RNFT2: variants seen among roughly 807,000 people sequenced by gnomAD.
RNFT2 encodes the protein ring finger protein, transmembrane 2.
Under a neutral mutation model 53.0 loss-of-function variants are expected in RNFT2, and 36 were observed. The observed-to-expected ratio is 0.68, with a 90% CI of 0.52 to 0.90. The LOEUF (loss-of-function observed/expected upper bound fraction) is 0.90. RNFT2 is among the 40% of genes least tolerant of loss of function. The pLI, the probability that RNFT2 is intolerant of heterozygous loss-of-function variation, is 0.00. For missense variants in RNFT2, 514 were observed against 585.6 expected (o/e 0.88, Z 1.26); for synonymous variants, 260 against 253.2 (o/e 1.03, Z -0.26).
intron 7 of RNFT2, among the ~76,000 whole-genome samples, chr12:116,817,467 C>T (rs539550928): frequency 7.2e-5 from 11 of 152,268 alleles, no homozygotes; most frequent in African/African-American, 2.6e-4. Flanking sequence ...GTAGTTTTTA[C>T]GTCTTCTTCC....
At chr12:116,768,695 A>C (rs1417311392) in intron 6 of RNFT2, among the ~76,000 whole-genome samples, 1 of 151,132 alleles carries the variant, frequency 6.6e-6, no homozygotes, top group Non-Finnish European at 1.5e-5. Flanking sequence ...TTATATTTTT[A>C]CTATACTTTT....
At chr12:116,762,935 AGCCAG>A (rs1872746291) in intron 5 of RNFT2, among the ~76,000 whole-genome samples, 2 of 152,004 alleles carry the variant, frequency 1.3e-5, no homozygotes, top group African/African-American at 4.8e-5. Flanking sequence ...TTAAAAAGTT[AGCCAG>A]GTGTGGGGGC....
At chr12:116,759,732 C>T (rs528128336) in intron 5 of RNFT2, among the ~76,000 whole-genome samples, 1 of 152,278 alleles carries the variant, frequency 6.6e-6, no homozygotes, top group East Asian at 1.9e-4. Context: ...GGTCTCTCAG[C>T]CATGGATACC....
In RNFT2 at chr12:116,819,386, C is replaced by T. The variant is rs1875870750; in HGVS notation, c.883-14406C>T. 2.0e-5 allele frequency among the ~76,000 whole-genome samples: 3 copies of T among 152,090 alleles called. No individual in the cohort carries two copies. The South Asian group carries it at 6.2e-4, about 31-fold the overall frequency. On this transcript the variant is annotated intron_variant, in intron 7 of 10. Transcript: ENST00000257575. ...GAGGCCAGACCCGGAGCCGGCGGCGCGCAGAGCGGGGCGGCCCGGGGCGCG... is the reference window on the plus strand; with the variant it reads ...GAGGCCAGACCCGGAGCCGGCGGCGTGCAGAGCGGGGCGGCCCGGGGCGCG...
intron 7 of RNFT2, among the ~76,000 whole-genome samples, chr12:116,800,540 G>A (rs1046709433): frequency 3.9e-5 from 6 of 151,926 alleles, no homozygotes; most frequent in Non-Finnish European, 8.8e-5. Flanking sequence ...GGCTGAGGCA[G>A]GAGAATTGCT....
At chr12:116,811,656 G>T (rs767890073) in intron 7 of RNFT2, among the ~76,000 whole-genome samples, 1 of 152,196 alleles carries the variant, frequency 6.6e-6, no homozygotes, top group Non-Finnish European at 1.5e-5. Flanking sequence ...GATTACAGGC[G>T]TGAGCCAACG....
At chr12:116,750,919 A>T (rs1424505429) in intron 4 of RNFT2, among the ~76,000 whole-genome samples, 2 of 88,556 alleles carry the variant, frequency 2.3e-5, no homozygotes, top group Admixed American at 1.5e-4. Flanking sequence ...TTTTTTTTTG[A>T]GACAGGGTCT....
chr12:116,839,225 G>T (rs1877125281), intron 10 of RNFT2, among the ~76,000 whole-genome samples: 1 of 152,178 alleles, frequency 6.6e-6, no homozygotes, highest in Non-Finnish European at 1.5e-5. Context: ...TGAATCACAA[G>T]CAACATGAGA....
At position 116,755,836 on chromosome 12, in the gene RNFT2, A is replaced by G; in HGVS notation, c.627+1776A>G. On this transcript the variant is annotated intron_variant, in intron 5 of 10. Coordinates refer to ENST00000257575, the MANE Select transcript of RNFT2 (RefSeq NM_001382266.1). Reference sequence around the variant, plus strand: ...GTTTTCTAAAAGGCCTAGAGAACATATATCGGGTGCCTCTCCTCTTTCCCT... The same window carrying G: ...GTTTTCTAAAAGGCCTAGAGAACATGTATCGGGTGCCTCTCCTCTTTCCCT... 5 of 1,571,170 alleles carry G rather than the reference A, an allele frequency of 3.2e-6. No homozygotes were observed. The Admixed American group carries it at 5.0e-5, about 16-fold the overall frequency.
chr12:116,838,053 C>A (rs1877070323), intron 10 of RNFT2, among the ~76,000 whole-genome samples: 1 of 151,886 alleles, frequency 6.6e-6, no homozygotes, highest in Non-Finnish European at 1.5e-5. Flanking sequence ...GTACATTCTA[C>A]CTATGCTGTT....
intron 2 of RNFT2, 132 bp downstream of exon 2, chr12:116,740,653 A>T: frequency 1.2e-6 from 1 of 855,044 alleles, no homozygotes; most frequent in Admixed American, 2.0e-5. Flanking sequence ...CAGAGGGGTT[A>T]CTGATTTGTC....
At chr12:116,833,724 G>A (rs377188902) in intron 7 of RNFT2, 68 bp from the exon 8 acceptor site, 3 of 1,575,218 alleles carry the variant, frequency 1.9e-6, no homozygotes, top group Non-Finnish European at 1.7e-6. Flanking sequence ...CCGGGGCGGG[G>A]GGCCCCCCAG....
At chr12:116,749,450 C>T (rs974760838) in intron 3 of RNFT2, among the ~76,000 whole-genome samples, 1 of 151,978 alleles carries the variant, frequency 6.6e-6, no homozygotes, top group African/African-American at 2.4e-5. Context: ...GCTAATTTAG[C>T]TCTATTTCTT....
intron 6 of RNFT2, among the ~76,000 whole-genome samples, chr12:116,778,498 C>G (rs139298742): frequency 0.011 from 1,694 of 152,328 alleles, 11 homozygotes; most frequent in African/African-American, 0.012. Context: ...ATAGGCCTCA[C>G]CAGAAGCTAG....
chr12:116,840,223 G>A (rs546024114), intron 10 of RNFT2, among the ~76,000 whole-genome samples: 10 of 152,280 alleles, frequency 6.6e-5, no homozygotes, highest in South Asian at 2.1e-4. Context: ...TGTTGATTTC[G>A]TGCTTACAAG....
chr12:116,821,812 T>C (rs1174760032), intron 7 of RNFT2, among the ~76,000 whole-genome samples: 1 of 125,860 alleles, frequency 7.9e-6, no homozygotes, highest in East Asian at 2.3e-4. Context: ...CTTTTTTTTT[T>C]TTTTTTTTTT....
intron 7 of RNFT2, among the ~76,000 whole-genome samples, chr12:116,799,527 G>T (rs971109328): frequency 1.3e-5 from 2 of 152,188 alleles, no homozygotes; most frequent in Non-Finnish European, 1.5e-5. Flanking sequence ...GAGGGTTGTT[G>T]TGAAAATGCA....
chr12:116,849,393 A>T lies in RNFT2; in HGVS notation c.1280A>T (p.Asp427Val). The T allele has an allele frequency of 6.4e-7, 1 of 1,572,202 alleles. No individual in the cohort carries two copies. Among genetic ancestry groups the T allele is most frequent in the Non-Finnish European group, 8.6e-7 (1 of 1,163,178 alleles). Residue 427 changes from aspartate to valine, a missense_variant, in exon 11 of 11, where the codon GAC (aspartate) becomes GTC (valine). Around this residue, in one of 3 missense-constraint regions of RNFT2, gnomAD observed 273 missense variants for 334.4 expected, o/e 0.82. Transcript: ENST00000257575. ...TCPLCRSVAV[D>V]TLRCWKDGAT... is the part of the protein sequence containing the mutation. ...CCGCTCTGCCGCTCGGTCGCCGTGG[A>T]CACCCTGCGCTGCTGGAAGGACGGC...
chr12:116,835,728 G>A (rs1417018122), intron 8 of RNFT2, among the ~76,000 whole-genome samples: 3 of 152,202 alleles, frequency 2.0e-5, no homozygotes, highest in African/African-American at 7.2e-5. Context: ...CACTATGCAT[G>A]CCATATATTT....
Sources: gnomAD v4.1 joint callset for allele counts (sites outside exome capture counted in the v4.1 genomes callset) on GRCh38, gnomAD v4.1.1 for gene constraint, gnomAD v4.1.1 regional missense constraint, MANE v1.5 for transcripts, NCBI Gene and HGNC (gene_info 2026-07-23, HGNC 2026-07-21) for gene names.